Variants in USP31 observed in about 807,000 individuals in gnomAD.
USP31 encodes ubiquitin carboxyl-terminal hydrolase 31.
In USP31, 44 loss-of-function variants were observed where a neutral mutation model predicts 119.4. The ratio of observed to expected loss-of-function variants is 0.37; its 90% confidence interval spans 0.29 to 0.47. USP31 has a LOEUF of 0.47. USP31 is among the 20% of genes least tolerant of loss of function. The probability of loss-of-function intolerance (pLI) is 0.99; values close to 1 mark genes in which losing one functional copy is unlikely to be tolerated. For synonymous variants in USP31, 749 were observed against 705.6 expected, an observed-to-expected ratio of 1.06 and a Z score of -0.97; for missense variants, 1,643 against 1,730.2, an observed-to-expected ratio of 0.95 and a Z score of 0.89.
chr16:23,106,584 C>T (rs1902115949), intron 2 of USP31, 97 bp from the exon 3 acceptor site: 1 of 1,219,682 alleles, frequency 8.2e-7, no homozygotes, highest in African/African-American at 1.5e-5. Context: ...ACTTCCTTTA[C>T]AAGCTATGCA....
chr16:23,102,483 A>C lies in USP31; in HGVS notation c.1090-20T>G. 2 of 1,597,512 alleles carry C rather than the reference A, an allele frequency of 1.3e-6. No homozygotes were observed. The highest frequency in any genetic ancestry group is 1.7e-6 in the Non-Finnish European group (2 of 1,173,428). Reference sequence around the variant, plus strand: ...CACAATCTAAAAATAGGAAAAATGTAAACAGGTGGGTAACTGGAAATTCGA... The same window carrying C: ...CACAATCTAAAAATAGGAAAAATGTCAACAGGTGGGTAACTGGAAATTCGA... On this transcript the variant is annotated intron_variant, in intron 5 of 15. Transcript: ENST00000219689.
At chr16:23,078,462 C>G (rs1466926740) in intron 13 of USP31, among the ~76,000 whole-genome samples, 1 of 152,156 alleles carries the variant, frequency 6.6e-6, no homozygotes, top group African/African-American at 2.4e-5. Flanking sequence ...TGTGACCTGT[C>G]TATCCACCCC....
chr16:23,074,572 G>A (rs1013048209), intron 13 of USP31, among the ~76,000 whole-genome samples: 5 of 152,182 alleles, frequency 3.3e-5, no homozygotes, highest in Non-Finnish European at 7.3e-5. Context: ...TGAAAGGCAG[G>A]AGCCCAGCTC....
chr16:23,117,789 T>C (rs1171317215), intron 1 of USP31, among the ~76,000 whole-genome samples: 1 of 149,948 alleles, frequency 6.7e-6, no homozygotes, highest in Non-Finnish European at 1.5e-5. Context: ...AGATGGAGTC[T>C]CTCTCTGTTC....
intron 1 of USP31, among the ~76,000 whole-genome samples, chr16:23,126,320 TAAAAAAAAAAA>T (rs71279502): frequency 9.3e-6 from 1 of 107,190 alleles, no homozygotes; most frequent in African/African-American, 3.5e-5. Context: ...CCTGTCTCTT[TAAAAAAAAAAA>T]AAAAAAAAAA....
Position 23,063,562 on chromosome 16 carries a change from C to T in USP31, c.*4484G>A, listed in dbSNP as rs1899938607. ...ACCAATGATGTGTGTTCAACATATC[C>T]AATTCCACTTCTGCTTGCAAAATAC... is the stretch of plus-strand genomic sequence containing the variant. On this transcript the variant is annotated 3_prime_UTR_variant, in exon 16 of 16. Transcript: ENST00000219689. 6.6e-6 allele frequency: 1 copy of T among 152,444 alleles called. No individual in the cohort carries two copies. The highest frequency in any genetic ancestry group is 2.4e-5 in the African/African-American group (1 of 41,370). The allele number at this position is 152,444 out of a possible 1,614,324, so 9.4% of individuals were successfully genotyped here. A position where few individuals can be genotyped will look rare whatever the true frequency, so the allele number is the denominator to read the frequency against.
In USP31 at chr16:23,148,925, G is replaced by C; in HGVS notation, c.346C>G (p.Pro116Ala). The change falls in exon 1 of 16, where the codon CCG becomes GCG. Residue 116 changes from proline to alanine, a missense_variant. Pro to Ala is a conservative substitution (Grantham distance 27). Transcript: ENST00000219689. ...PCPPPPASPA[P>A]PACAAEPVPG... ...ACCGGCTCGGCGGCGCAAGCGGGCG[G>C]CGCGGGAGAGGCGGGCGGCGGCGGG... The C allele has an allele frequency of 8.1e-7, 1 of 1,242,164 alleles. No individual in the cohort carries two copies. Among genetic ancestry groups the C allele is most frequent in the Non-Finnish European group, 1.0e-6 (1 of 988,052 alleles). 76.9% of individuals were successfully genotyped at this position (1,242,164 alleles called of 1,614,324 possible). A position where few individuals can be genotyped will look rare whatever the true frequency, so the allele number is the denominator to read the frequency against.
chr16:23,069,549 G>A lies in USP31; in HGVS notation c.2556C>T (p.Val852=), dbSNP rs777189986. The change falls in exon 16 of 16, where the codon GTC becomes GTT. Residue 852 remains valine, a synonymous_variant. Coordinates refer to ENST00000219689, the MANE Select transcript of USP31 (RefSeq NM_020718.4). ...TTTCATTGACGGCCAAGGGGCTGGT[G>A]ACAGAAGATCTGGATGACAAACTCT... The part of the protein sequence containing the change: ...QRQSLSSRSS[V]TSPLAVNENC... 1.9e-6 allele frequency: 3 copies of A among 1,613,990 alleles called. No homozygotes were observed. Among genetic ancestry groups the A allele is most frequent in the African/African-American group, 1.3e-5 (1 of 74,942 alleles).
At chr16:23,072,501 C>T in intron 14 of USP31, 1 of 590,248 alleles carries the variant, frequency 1.7e-6, no homozygotes, top group Non-Finnish European at 3.0e-6. Context: ...ATGGAATAGA[C>T]AAGCACTCAT....
chr16:23,142,919 G>A (rs975830535), intron 1 of USP31, among the ~76,000 whole-genome samples: 16 of 152,154 alleles, frequency 1.1e-4, no homozygotes, highest in African/African-American at 3.6e-4. Context: ...GTATACTAAA[G>A]AGCTTGACAC....
intron 1 of USP31, among the ~76,000 whole-genome samples, chr16:23,114,367 G>A (rs574903010): frequency 1.3e-5 from 2 of 151,194 alleles, no homozygotes; most frequent in South Asian, 4.2e-4. Flanking sequence ...ATGGCATAGA[G>A]TTGGGCCACA....
rs568720864 is a variant in USP31, at chr16:23,073,763, C to T, written c.2294G>A (p.Arg765Gln). The T allele has an allele frequency of 4.0e-5, 64 of 1,613,382 alleles. No individual in the cohort carries two copies. Among genetic ancestry groups the T allele is most frequent in the Middle Eastern group, 1.8e-4 (1 of 5,554 alleles). Residue 765 changes from arginine (R) to glutamine (Q), a missense_variant, in exon 14 of 16, where the codon CGG (arginine) becomes CAG (glutamine). This residue lies in a region of USP31 where 279 missense variants were observed against 372.2 expected (regional missense o/e 0.75). Transcript: ENST00000219689. ...GGCTGACCATGACGGGATGGCTGTC[C>T]GCCTCTGGTAGAAGAGGATGTATGC... The part of the protein sequence containing the change: ...QTAYILFYQR[R>Q]TAIPSWSANS...
rs1250972500 is a variant in USP31 at position 23,073,761 on chromosome 16, T to C, written c.2296A>G (p.Thr766Ala). ...TTGGCTGACCATGACGGGATGGCTG[T>C]CCGCCTCTGGTAGAAGAGGATGTAT... ...TAYILFYQRRTAIPSWSANSS... is the reference protein window; with the variant it reads ...TAYILFYQRRAAIPSWSANSS... Residue 766 changes from threonine (T) to alanine (A), a missense_variant, in exon 14 of 16, where the codon ACA becomes GCA. Physicochemically the swap from Thr to Ala is moderately conservative, Grantham distance 58. Transcript: ENST00000219689. The C allele has an allele frequency of 3.1e-6, 5 of 1,613,362 alleles. No homozygotes were observed. The highest frequency in any genetic ancestry group is 4.2e-6 in the Non-Finnish European group (5 of 1,179,942).
intron 1 of USP31, among the ~76,000 whole-genome samples, chr16:23,119,376 G>C (rs1232567211): frequency 4.6e-5 from 7 of 152,236 alleles, no homozygotes; most frequent in East Asian, 1.9e-4. Flanking sequence ...GGGATTATAG[G>C]CATGAGCCAC....
chr16:23,148,833 G>C lies in USP31; in HGVS notation c.438C>G (p.Leu146=). The stretch of plus-strand genomic sequence containing the variant: ...ACTCGGCGAAGAGCTCGGTGTTGCT[G>C]AGGCACTGCAGCGTGGCGTTCATGA... ...TCFMNATLQC[L]SNTELFAEYL... Residue 146 remains leucine, a synonymous_variant, in exon 1 of 16, where the codon CTC becomes CTG. Transcript: ENST00000219689. 6.5e-7 allele frequency: 1 copy of C among 1,537,974 alleles called. No homozygotes were observed. Among genetic ancestry groups the C allele is most frequent in the South Asian group, 1.2e-5 (1 of 81,990 alleles).
intron 1 of USP31, among the ~76,000 whole-genome samples, chr16:23,135,881 C>T (rs1268537076): frequency 3.3e-5 from 5 of 152,090 alleles, no homozygotes; most frequent in Non-Finnish European, 7.4e-5. Context: ...AAAACAATCT[C>T]GAAAAAGACA....
chr16:23,072,264 C>T, intron 14 of USP31, 67 bp from the exon 15 acceptor site: 2 of 1,551,446 alleles, frequency 1.3e-6, no homozygotes, highest in South Asian at 1.2e-5. Flanking sequence ...GCCACACACA[C>T]CCTCATGAAG....
intron 14 of USP31, chr16:23,072,591 A>C (rs963459481): frequency 8.0e-6 from 4 of 499,548 alleles, no homozygotes; most frequent in Non-Finnish European, 1.4e-5. Flanking sequence ...TTCTTACACA[A>C]AGAGAAGAGA....
At chr16:23,093,386 T>A (rs774473282) in intron 6 of USP31, among the ~76,000 whole-genome samples, 2 of 152,164 alleles carry the variant, frequency 1.3e-5, no homozygotes, top group African/African-American at 4.8e-5. Flanking sequence ...GAATAGACAT[T>A]TCTCCAAAGA....
Sources: gnomAD v4.1 joint callset for allele counts (sites outside exome capture counted in the v4.1 genomes callset) on GRCh38, gnomAD v4.1.1 for gene constraint, gnomAD v4.1.1 regional missense constraint, MANE v1.5 for transcripts, NCBI Gene and HGNC (gene_info 2026-07-23, HGNC 2026-07-21) for gene names.